The following LZTS1 variants were observed in gnomAD, a reference collection of about 807,000 sequenced individuals.
LZTS1 encodes the protein leucine zipper putative tumor suppressor 1.
In LZTS1, 31 loss-of-function variants were observed where a neutral mutation model predicts 45.8. That is an observed-to-expected ratio of 0.68 (90% confidence interval 0.51 to 0.91). LZTS1 has a LOEUF of 0.91. LZTS1 is among the 40% of genes least tolerant of loss of function. The pLI, the probability that LZTS1 is intolerant of heterozygous loss-of-function variation, is 0.00. For synonymous variants in LZTS1, 359 were observed against 357.3 expected (o/e 1.00, Z -0.05); for missense variants, 821 against 788.9 (o/e 1.04, Z -0.49).
At chr8:20,290,437 T>TA (rs1329519065) in intron 1 of LZTS1, 2 of 152,172 alleles carry the variant, frequency 1.3e-5, no homozygotes, top group African/African-American at 4.8e-5. Context: ...TCCTGGAAGG[T>TA]ACATTAAATC....
chr8:20,268,817 A>T (rs961751693), intron 1 of LZTS1, among the ~76,000 whole-genome samples: 11 of 152,102 alleles, frequency 7.2e-5, no homozygotes, highest in African/African-American at 2.4e-4. Flanking sequence ...AATTAAGTGC[A>T]CTTGGATTCC....
intron 1 of LZTS1, among the ~76,000 whole-genome samples, chr8:20,280,513 G>A (rs1800667446): frequency 6.6e-6 from 1 of 152,140 alleles, no homozygotes. Flanking sequence ...GCACGGAGGC[G>A]CGTGCACATG....
Position 20,249,696 on chromosome 8 carries a change from C to G in LZTS1, c.*26G>C, listed in dbSNP as rs1335964881. ...AGCCCTGCCTCCCAGTGCCAGGTCC[C>G]CAGACTCGCCTTCCCAGGCAGCCCC... is the stretch of plus-strand genomic sequence containing the variant. On this transcript the variant is annotated 3_prime_UTR_variant, in exon 4 of 4. Transcript: ENST00000381569. The G allele has an allele frequency of 6.3e-7, 1 of 1,577,424 alleles. No individual in the cohort carries two copies. The highest frequency in any genetic ancestry group is 8.6e-7 in the Non-Finnish European group (1 of 1,164,920).
chr8:20,287,762 A>C (rs1476740346), intron 1 of LZTS1, among the ~76,000 whole-genome samples: 2 of 151,972 alleles, frequency 1.3e-5, no homozygotes, highest in African/African-American at 4.8e-5. Flanking sequence ...CCCCATCTCT[A>C]CTGAAAATAC....
chr8:20,279,132 G>A lies in LZTS1; in HGVS notation c.-134-23817C>T, dbSNP rs187558287. Among the ~76,000 whole-genome samples, 454 of 152,272 alleles carry A rather than the reference G, an allele frequency of 3.0e-3. 2 individuals carry two copies. The highest frequency in any genetic ancestry group is 0.011 in the African/African-American group (439 of 41,546). On this transcript the variant is annotated intron_variant, in intron 1 of 3. Coordinates refer to ENST00000381569, the MANE Select transcript of LZTS1 (RefSeq NM_021020.5). ...CCATCCTTCAAGGTCCAGCTCAAAT[G>A]TCACTTCCTCCAGGAAGCCATCCTA...
At position 20,287,897 on chromosome 8, in the gene LZTS1, C is replaced by CAAAA. The variant is rs34653802; in HGVS notation, c.-135+15839_-135+15842dup. 5.1e-3 allele frequency among the ~76,000 whole-genome samples: 275 copies of CAAAA among 53,878 alleles called. 2 individuals carry two copies. The highest frequency in any genetic ancestry group is 0.021 in the Middle Eastern group (1 of 48). 35.3% of individuals were successfully genotyped at this position (53,878 alleles called of 152,430 possible). A position where few individuals can be genotyped will look rare whatever the true frequency, so the allele number is the denominator to read the frequency against. On this transcript the variant is annotated intron_variant, in intron 1 of 3. Coordinates refer to ENST00000381569, the MANE Select transcript of LZTS1 (RefSeq NM_021020.5). ...GCTAATCACGCCAAAGCACTCCAGC[C>CAAAA]AAAAAAAAAAAAAAAAAAAAAAAAG...
chr8:20,251,512 C>G (rs1799908902), intron 3 of LZTS1, among the ~76,000 whole-genome samples: 1 of 152,186 alleles, frequency 6.6e-6, no homozygotes, highest in Admixed American at 6.5e-5. Context: ...ACTTCATTCA[C>G]TCTTAAGATT....
chr8:20,292,907 G>A (rs1341544979), intron 1 of LZTS1, among the ~76,000 whole-genome samples: 4 of 152,216 alleles, frequency 2.6e-5, no homozygotes, highest in East Asian at 1.9e-4. Context: ...CTTCATCTAC[G>A]TAAAAAATAA....
At chr8:20,278,104 G>A (rs1463140283) in intron 1 of LZTS1, among the ~76,000 whole-genome samples, 1 of 152,116 alleles carries the variant, frequency 6.6e-6, no homozygotes, top group Admixed American at 6.5e-5. Context: ...ACAGTGTGTC[G>A]CTGAAATAAT....
intron 1 of LZTS1, among the ~76,000 whole-genome samples, chr8:20,300,708 A>G (rs914780996): frequency 2.6e-5 from 4 of 152,180 alleles, no homozygotes; most frequent in African/African-American, 9.6e-5. Context: ...CTCAGGAGCC[A>G]GTGAGTAAAT....
intron 1 of LZTS1, among the ~76,000 whole-genome samples, chr8:20,298,680 T>C (rs1801018311): frequency 6.6e-6 from 1 of 152,060 alleles, no homozygotes; most frequent in African/African-American, 2.4e-5. Flanking sequence ...CTGAGCAACA[T>C]AGCGAGACCT....
chr8:20,294,307 T>C (rs932382960), intron 1 of LZTS1, among the ~76,000 whole-genome samples: 1 of 152,220 alleles, frequency 6.6e-6, no homozygotes, highest in Non-Finnish European at 1.5e-5. Context: ...TCTAGTTTGA[T>C]AGATGAAGAA....
intron 1 of LZTS1, among the ~76,000 whole-genome samples, chr8:20,300,100 G>C (rs780517171): frequency 5.3e-5 from 8 of 152,266 alleles, no homozygotes; most frequent in Non-Finnish European, 1.2e-4. Context: ...CTCCCGAACT[G>C]TTGGTGGGGC....
In LZTS1 at chr8:20,253,212, C is replaced by T; in HGVS notation, c.719G>A (p.Gly240Asp). 6.2e-7 allele frequency: 1 copy of T among 1,613,800 alleles called. No homozygotes were observed. Among genetic ancestry groups the T allele is most frequent in the Non-Finnish European group, 8.5e-7 (1 of 1,180,036 alleles). The stretch of plus-strand genomic sequence containing the variant: ...GCCCTTGTCTGCCTTGTTCGAGTGG[C>T]CCAGCTTGCTACCTCCGTCGGAGAA... ...LSFSDGGSKL[G>D]HSNKADKGPS... The change falls in exon 3 of 4, where the codon GGC (glycine) becomes GAC (aspartate). Residue 240 changes from glycine (G) to aspartate (D), a missense_variant. By Grantham distance (94) the Gly-to-Asp change is moderately conservative. Transcript: ENST00000381569.
chr8:20,270,950 G>C (rs1800461252), intron 1 of LZTS1, among the ~76,000 whole-genome samples: 1 of 152,046 alleles, frequency 6.6e-6, no homozygotes, highest in African/African-American at 2.4e-5. Context: ...GCACAGCTCA[G>C]ATTCCTGACT....
chr8:20,279,639 T>G (rs373005425), intron 1 of LZTS1, among the ~76,000 whole-genome samples: 16 of 131,722 alleles, frequency 1.2e-4, no homozygotes, highest in Middle Eastern at 5.7e-3. Flanking sequence ...AGTTCCAGGC[T>G]GCAGTGAGCT....
intron 1 of LZTS1, among the ~76,000 whole-genome samples, chr8:20,288,388 G>A (rs1337081099): frequency 2.6e-5 from 4 of 152,128 alleles, no homozygotes; most frequent in East Asian, 1.9e-4. Context: ...GAGGCGATGC[G>A]CAAGTGGAAA....
chr8:20,263,788 C>T (rs1800294602), intron 1 of LZTS1, among the ~76,000 whole-genome samples: 1 of 152,252 alleles, frequency 6.6e-6, no homozygotes, highest in East Asian at 1.9e-4. Context: ...GACTGGCAAG[C>T]AGGGCTCAGG....
At chr8:20,286,356 G>A (rs73216452) in intron 1 of LZTS1, among the ~76,000 whole-genome samples, 12,216 of 152,118 alleles carry the variant, frequency 0.08, 567 homozygotes, top group Admixed American at 0.13. Flanking sequence ...CATGCTAATG[G>A]ACAAAAATAG....
Sources: allele counts gnomAD v4.1 joint callset (sites outside exome capture counted in the v4.1 genomes callset), GRCh38; gene constraint gnomAD v4.1.1; transcripts MANE v1.5; gene names NCBI Gene and HGNC (gene_info 2026-07-23, HGNC 2026-07-21).